The following STK39 variants were observed in gnomAD, a reference collection of about 807,000 sequenced individuals.
STK39 encodes the protein STE20/SPS1-related proline-alanine-rich protein kinase.
STK39 carries 20 observed loss-of-function variants against 77.8 expected under a neutral mutation model. The ratio of observed to expected loss-of-function variants is 0.26; its 90% CI spans 0.18 to 0.37. STK39 has a LOEUF of 0.37. STK39 is among the 10% of genes least tolerant of loss of function. The probability of loss-of-function intolerance (pLI) is 1.00; values close to 1 mark genes in which losing one functional copy is unlikely to be tolerated. For missense variants in STK39, 479 were observed against 656.5 expected, an observed-to-expected ratio of 0.73 and a Z score of 2.95; for synonymous variants, 246 against 234.1, an observed-to-expected ratio of 1.05 and a Z score of -0.47.
At chr2:168,070,971 G>A (rs1685926677) in intron 12 of STK39, among the ~76,000 whole-genome samples, 1 of 152,094 alleles carries the variant, frequency 6.6e-6, no homozygotes, top group Non-Finnish European at 1.5e-5. Context: ...GGATGAGGTG[G>A]ATCTTCTCAA....
chr2:168,068,592 G>C (rs1424132380), intron 12 of STK39, among the ~76,000 whole-genome samples: 6 of 152,144 alleles, frequency 3.9e-5, no homozygotes, highest in Non-Finnish European at 8.8e-5. Context: ...GAATATATGG[G>C]AACTCTGCAC....
intron 8 of STK39, among the ~76,000 whole-genome samples, chr2:168,130,260 T>A (rs1687644707): frequency 6.6e-6 from 1 of 152,228 alleles, no homozygotes; most frequent in African/African-American, 2.4e-5. Flanking sequence ...GACTGCTGTT[T>A]GCCAGGTGAA....
At chr2:168,214,440 G>A (rs1258618758) in intron 1 of STK39, among the ~76,000 whole-genome samples, 1 of 152,024 alleles carries the variant, frequency 6.6e-6, no homozygotes, top group Non-Finnish European at 1.5e-5. Flanking sequence ...TTTGTATTCT[G>A]GATATGACGT....
intron 14 of STK39, among the ~76,000 whole-genome samples, chr2:168,052,825 G>C (rs985790858): frequency 1.3e-5 from 2 of 152,148 alleles, no homozygotes; most frequent in East Asian, 3.9e-4. Flanking sequence ...CTTCAAAATG[G>C]AACCCTCTTA....
chr2:168,015,184 T>C (rs1203663803), intron 15 of STK39, among the ~76,000 whole-genome samples: 10 of 152,222 alleles, frequency 6.6e-5, no homozygotes. Context: ...ACAGGATAAA[T>C]ATTCATGTAT....
intron 1 of STK39, among the ~76,000 whole-genome samples, chr2:168,230,914 T>C (rs148462351): frequency 2.4e-4 from 37 of 152,252 alleles, no homozygotes; most frequent in African/African-American, 8.9e-4. Context: ...GTAGTAGTCT[T>C]TGCTTCGGAA....
intron 16 of STK39, among the ~76,000 whole-genome samples, chr2:167,999,808 C>T (rs1683949090): frequency 6.6e-6 from 1 of 152,164 alleles, no homozygotes; most frequent in Non-Finnish European, 1.5e-5. Context: ...AGTACAGTTG[C>T]TTAAGGGCCT....
chr2:168,043,931 C>A (rs1259115984), intron 14 of STK39, among the ~76,000 whole-genome samples: 2 of 152,128 alleles, frequency 1.3e-5, no homozygotes, highest in Non-Finnish European at 2.9e-5. Flanking sequence ...ACTCGCAATT[C>A]TTTATATTAG....
intron 16 of STK39, among the ~76,000 whole-genome samples, chr2:168,009,607 C>T (rs1325498549): frequency 6.6e-6 from 1 of 152,150 alleles, no homozygotes; most frequent in East Asian, 1.9e-4. Flanking sequence ...ATTAAAACAA[C>T]CTGTCCTCTT....
At chr2:168,117,526 G>A (rs747205575) in intron 10 of STK39, among the ~76,000 whole-genome samples, 1 of 152,140 alleles carries the variant, frequency 6.6e-6, no homozygotes, top group African/African-American at 2.4e-5. Context: ...GACACCAAGT[G>A]CAACAACATA....
chr2:168,132,075 T>G (rs1687711255), intron 8 of STK39, among the ~76,000 whole-genome samples: 1 of 152,180 alleles, frequency 6.6e-6, no homozygotes, highest in African/African-American at 2.4e-5. Flanking sequence ...GAAGGGCTCC[T>G]GAGGGAACAT....
At chr2:167,990,272 T>C (rs1683667923) in intron 16 of STK39, among the ~76,000 whole-genome samples, 2 of 152,152 alleles carry the variant, frequency 1.3e-5, no homozygotes, top group South Asian at 2.1e-4. Context: ...CACAACCAAA[T>C]GACATTTTGG....
At chr2:168,074,373 G>C (rs1686019395) in intron 12 of STK39, among the ~76,000 whole-genome samples, 1 of 152,182 alleles carries the variant, frequency 6.6e-6, no homozygotes, top group African/African-American at 2.4e-5. Context: ...GTGAACTACA[G>C]TTATCATTAG....
chr2:168,162,388 T>C (rs1297942141), intron 4 of STK39, among the ~76,000 whole-genome samples: 1 of 151,840 alleles, frequency 6.6e-6, no homozygotes, highest in Non-Finnish European at 1.5e-5. Context: ...ATATTTTCTA[T>C]GAAATAATTA....
intron 10 of STK39, among the ~76,000 whole-genome samples, chr2:168,090,213 A>C (rs1686481473): frequency 6.6e-6 from 1 of 152,248 alleles, no homozygotes; most frequent in South Asian, 2.1e-4. Context: ...GTATCCCGAA[A>C]GTAAGATGCA....
chr2:168,011,813 A>C (rs1263240781), intron 16 of STK39, among the ~76,000 whole-genome samples: 1 of 152,218 alleles, frequency 6.6e-6, no homozygotes, highest in Non-Finnish European at 1.5e-5. Context: ...ATGGTTCTAG[A>C]CACACCACTG....
In STK39 at chr2:168,066,180, C is replaced by T. The variant is rs3769418; in HGVS notation, c.1243-799G>A. Among the ~76,000 whole-genome samples, 15 of 152,300 alleles carry T rather than the reference C, an allele frequency of 9.8e-5. No individual in the cohort carries two copies. The East Asian group carries it at 2.9e-3, about 29-fold the overall frequency. ...TTCTAAAGTTTAAGAGCATAAAATT[C>T]TTACTCTCCATGCTTCTTCCAAAAT... On this transcript the variant is annotated intron_variant, in intron 12 of 17. Coordinates refer to ENST00000355999, the MANE Select transcript of STK39 (RefSeq NM_013233.3).
At chr2:168,011,161 G>A (rs764169583) in intron 16 of STK39, among the ~76,000 whole-genome samples, 14 of 152,072 alleles carry the variant, frequency 9.2e-5, no homozygotes, top group Non-Finnish European at 1.3e-4. Context: ...AGCCAGGCAC[G>A]GTGGCATGCG....
intron 10 of STK39, among the ~76,000 whole-genome samples, chr2:168,104,523 A>G (rs1374138246): frequency 6.6e-6 from 1 of 152,202 alleles, no homozygotes. Flanking sequence ...ACATGTGTGT[A>G]TGTATGTGTG....
Sources: allele counts gnomAD v4.1 joint callset (sites outside exome capture counted in the v4.1 genomes callset), GRCh38; gene constraint gnomAD v4.1.1; transcripts MANE v1.5; gene names NCBI Gene and HGNC (gene_info 2026-07-23, HGNC 2026-07-21).